The following DPYSL2 variants were observed in gnomAD, a reference collection of about 807,000 sequenced individuals.
DPYSL2 encodes dihydropyrimidinase-related protein 2.
Under a neutral mutation model 69.9 loss-of-function variants are expected in DPYSL2, and 13 were observed. That is an observed-to-expected ratio of 0.19 (90% CI 0.12 to 0.30). DPYSL2 has a LOEUF of 0.30. Among genes scored for constraint, DPYSL2 ranks in the 10% least tolerant of loss-of-function variants. The pLI, the probability that DPYSL2 is intolerant of heterozygous loss-of-function variation, is 1.00. For missense variants in DPYSL2, 587 were observed against 918.9 expected (o/e 0.64, Z 4.67); for synonymous variants, 326 against 359.1 (o/e 0.91, Z 1.04).
chr8:26,604,136 T>G (rs933199678), intron 3 of DPYSL2, among the ~76,000 whole-genome samples: 1 of 152,216 alleles, frequency 6.6e-6, no homozygotes, highest in African/African-American at 2.4e-5. Flanking sequence ...TAATCAGTAT[T>G]AAGTCCCATC....
At chr8:26,529,272 CTATCATCTATCTATCT>C (rs1413140566) in intron 1 of DPYSL2, among the ~76,000 whole-genome samples, 2 of 147,610 alleles carry the variant, frequency 1.4e-5, no homozygotes, top group Admixed American at 6.7e-5. Context: ...ATCTATCTAT[CTATCATCTATCTATCT>C]ATCTATCTAT....
chr8:26,546,133 T>G (rs1800763733), intron 1 of DPYSL2, among the ~76,000 whole-genome samples: 1 of 152,252 alleles, frequency 6.6e-6, no homozygotes, highest in Non-Finnish European at 1.5e-5. Context: ...TTGGGAATAT[T>G]TCTTCATTTA....
Position 26,588,327 on chromosome 8 carries a change from A to G in DPYSL2, c.628+4344A>G, listed in dbSNP as rs1248516496. ...GCTTCTGGGGGCGGCATCTTGAAAC[A>G]TTACACTTCCTGGGTCCCACCTTAC... On this transcript the variant is annotated intron_variant, in intron 3 of 13. Coordinates refer to ENST00000521913, the MANE Select transcript of DPYSL2 (RefSeq NM_001197293.3). This position sits in a 1 kb window ranked among gnomAD's most constrained non-coding sequence, Gnocchi z 5.4. Among the ~76,000 whole-genome samples the G allele has an allele frequency of 6.6e-6, 1 of 152,166 alleles. No individual in the cohort carries two copies. Among genetic ancestry groups the G allele is most frequent in the Non-Finnish European group, 1.5e-5 (1 of 68,038 alleles).
intron 10 of DPYSL2, among the ~76,000 whole-genome samples, chr8:26,645,997 C>T (rs1329333971): frequency 1.3e-5 from 2 of 152,130 alleles, no homozygotes; most frequent in Non-Finnish European, 2.9e-5. Context: ...TCCTGAGTAG[C>T]TGGGATTACA....
chr8:26,592,462 GTTTTTTTTTTTTTGT>G (rs1201927472), intron 3 of DPYSL2, among the ~76,000 whole-genome samples: 2 of 138,982 alleles, frequency 1.4e-5, no homozygotes, highest in Non-Finnish European at 3.1e-5. Context: ...TGGTACATTA[GTTTTTTTTTTTTTGT>G]TTTTTTTTTT....
chr8:26,625,311 A>G (rs935203659), intron 4 of DPYSL2, among the ~76,000 whole-genome samples: 2 of 152,212 alleles, frequency 1.3e-5, no homozygotes, highest in Non-Finnish European at 2.9e-5. Context: ...GAAAATAGGT[A>G]AACTTTGACT....
rs1801568855 is a variant in DPYSL2, at chr8:26,585,005, C to T, written c.628+1022C>T. On this transcript the variant is annotated intron_variant, in intron 3 of 13. Coordinates refer to ENST00000521913, the MANE Select transcript of DPYSL2 (RefSeq NM_001197293.3). The surrounding 1 kb of genome is among the most constrained non-coding windows in gnomAD (Gnocchi z 4.0). ...ATAATATTAAGAGTTTGCTTGTGAA[C>T]TGCTAGATTCCAGCATGCCCACTGA... Among the ~76,000 whole-genome samples the T allele has an allele frequency of 6.6e-6, 1 of 152,186 alleles. No individual in the cohort carries two copies. The highest frequency in any genetic ancestry group is 6.5e-5 in the Admixed American group (1 of 15,274).
rs572168457 is a variant in DPYSL2, at chr8:26,635,018, T to C, written c.1126+118T>C. 41 of 1,429,850 alleles carry C rather than the reference T, an allele frequency of 2.9e-5. No homozygotes were observed. In the African/African-American group the frequency reaches 5.4e-4, roughly 19 times the overall value. The allele number at this position is 1,429,850 out of a possible 1,614,324, so 88.6% of individuals were successfully genotyped here. A position where few individuals can be genotyped will look rare whatever the true frequency, so the allele number is the denominator to read the frequency against. The stretch of plus-strand genomic sequence containing the variant: ...CATGCCAAGTGGGCCACTTGCACCA[T>C]GTTCTGGCATTAACCTAATTACAGC... On this transcript the variant is annotated intron_variant, in intron 8 of 13. Coordinates refer to ENST00000521913, the MANE Select transcript of DPYSL2 (RefSeq NM_001197293.3).
At chr8:26,573,485 G>A (rs1264892622) in intron 1 of DPYSL2, among the ~76,000 whole-genome samples, 2 of 152,040 alleles carry the variant, frequency 1.3e-5, no homozygotes, top group South Asian at 4.2e-4. Context: ...TGGCAAACAC[G>A]GTGAAACCCT....
At chr8:26,551,937 CTGAG>C (rs1282257419) in intron 1 of DPYSL2, among the ~76,000 whole-genome samples, 3 of 152,160 alleles carry the variant, frequency 2.0e-5, no homozygotes, top group Non-Finnish European at 4.4e-5. Flanking sequence ...CCTCAGTCTC[CTGAG>C]TAGCTGGGAC....
At chr8:26,630,199 C>T (rs1802736104) in intron 7 of DPYSL2, among the ~76,000 whole-genome samples, 1 of 152,240 alleles carries the variant, frequency 6.6e-6, no homozygotes, top group African/African-American at 2.4e-5. Context: ...CCTATGCAGG[C>T]ACCATCCCCC....
chr8:26,585,708 T>C lies in DPYSL2; in HGVS notation c.628+1725T>C, dbSNP rs553771509. 6.6e-5 allele frequency among the ~76,000 whole-genome samples: 10 copies of C among 152,222 alleles called. No individual in the cohort carries two copies. The South Asian group carries it at 1.9e-3, about 28-fold the overall frequency. On this transcript the variant is annotated intron_variant, in intron 3 of 13. Transcript: ENST00000521913. This position sits in a 1 kb window ranked among gnomAD's most constrained non-coding sequence, Gnocchi z 4.0. ...CTTGGAGAAGCTTAGACTATTCGGG[T>C]GTCAGCCGGGAAGGCCAAGTCAGGG... is the stretch of plus-strand genomic sequence containing the variant.
intron 3 of DPYSL2, among the ~76,000 whole-genome samples, chr8:26,592,902 C>G (rs1185999039): frequency 6.6e-6 from 1 of 151,786 alleles, no homozygotes; most frequent in Non-Finnish European, 1.5e-5. Context: ...TTTTTTTCCT[C>G]TTCCTCCCCA....
chr8:26,573,531 T>C (rs1266952789), intron 1 of DPYSL2, among the ~76,000 whole-genome samples: 4 of 151,862 alleles, frequency 2.6e-5, no homozygotes, highest in African/African-American at 9.7e-5. Flanking sequence ...TAGCTGGGCG[T>C]GGTGGTAGGC....
At chr8:26,557,627 A>AAAAG (rs1229682396) in intron 1 of DPYSL2, among the ~76,000 whole-genome samples, 1 of 149,100 alleles carries the variant, frequency 6.7e-6, no homozygotes, top group African/African-American at 2.5e-5. Flanking sequence ...AAAATACAAA[A>AAAAG]AAAAAAAAAA....
intron 3 of DPYSL2, among the ~76,000 whole-genome samples, chr8:26,592,324 T>A (rs1483952676): frequency 1.3e-5 from 2 of 152,200 alleles, no homozygotes; most frequent in Admixed American, 1.3e-4. Flanking sequence ...GGCTAATTTT[T>A]TACTTGTTAG....
At chr8:26,635,945 A>G (rs891525157) in intron 8 of DPYSL2, among the ~76,000 whole-genome samples, 3 of 151,816 alleles carry the variant, frequency 2.0e-5, no homozygotes, top group African/African-American at 7.3e-5. Context: ...GGGCTGTGGG[A>G]TTTTTTTCAC....
intron 7 of DPYSL2, among the ~76,000 whole-genome samples, chr8:26,630,133 C>T (rs150876764): frequency 6.6e-6 from 1 of 152,360 alleles, no homozygotes; most frequent in East Asian, 1.9e-4. Context: ...AGCACAGACA[C>T]GCATAGGTGT....
intron 1 of DPYSL2, among the ~76,000 whole-genome samples, chr8:26,541,262 G>A (rs1475152551): frequency 6.6e-6 from 1 of 152,102 alleles, no homozygotes; most frequent in East Asian, 1.9e-4. Flanking sequence ...TCTAAATATT[G>A]AACAAAACAC....
Sources: gnomAD v4.1 joint callset for allele counts (sites outside exome capture counted in the v4.1 genomes callset) on GRCh38, gnomAD v4.1.1 for gene constraint, Gnocchi (gnomAD v3.1) non-coding constraint, MANE v1.5 for transcripts, NCBI Gene and HGNC (gene_info 2026-07-23, HGNC 2026-07-21) for gene names.